KLRG1: variants seen among roughly 807,000 people sequenced by gnomAD.
KLRG1 encodes killer cell lectin-like receptor subfamily G member 1.
In KLRG1, 16 loss-of-function variants were observed where a neutral mutation model predicts 21.8. The observed-to-expected ratio is 0.73, with a 90% CI of 0.50 to 1.11. The LOEUF (loss-of-function observed/expected upper bound fraction) is 1.11, where lower values mean the gene tolerates loss of function less well. KLRG1 is among the 50% of genes most tolerant of loss of function. The pLI, the probability that KLRG1 is intolerant of heterozygous loss-of-function variation, is 0.00. For synonymous variants in KLRG1, 69 were observed against 75.9 expected (o/e 0.91, Z 0.47); for missense variants, 173 against 218.3 (o/e 0.79, Z 1.31).
the KLRG1 span, among the ~76,000 whole-genome samples, chr12:9,136,492 TA>T: frequency 1.3e-5 from 2 of 152,150 alleles, no homozygotes; most frequent in Non-Finnish European, 2.9e-5. Context: ...TCTTGGCATT[TA>T]AAAAAGGCAA....
the KLRG1 span, among the ~76,000 whole-genome samples, chr12:9,191,339 C>T: frequency 6.6e-6 from 1 of 151,998 alleles, no homozygotes; most frequent in African/African-American, 2.4e-5. Context: ...ATCTAACTAC[C>T]TCTACACTAG....
chr12:9,072,472 G>A, the KLRG1 span: 1 of 1,611,782 alleles, frequency 6.2e-7, no homozygotes, highest in Non-Finnish European at 8.5e-7. Flanking sequence ...GGAGAATATT[G>A]TATTTCAAGG....
upstream of KLRG1, among the ~76,000 whole-genome samples, chr12:8,987,907 G>C (rs1225958646): frequency 6.6e-6 from 1 of 152,190 alleles, no homozygotes; most frequent in South Asian, 2.1e-4. Context: ...TATTAAGGGC[G>C]TGAAAATTTG....
the KLRG1 span, among the ~76,000 whole-genome samples, chr12:9,143,071 G>A: frequency 3.9e-5 from 6 of 152,180 alleles, no homozygotes; most frequent in Non-Finnish European, 4.4e-5. Context: ...CTTGGACATC[G>A]ATTTTAGTTA....
At chr12:9,204,629 C>A in the KLRG1 span, among the ~76,000 whole-genome samples, 1 of 152,142 alleles carries the variant, frequency 6.6e-6, no homozygotes, top group Non-Finnish European at 1.5e-5. Context: ...ATGCACAACT[C>A]CCTGCTACAC....
chr12:8,998,195 G>A (rs925417880), intron 3 of KLRG1, among the ~76,000 whole-genome samples: 7 of 152,062 alleles, frequency 4.6e-5, no homozygotes, highest in Middle Eastern at 3.2e-3. Context: ...TAGGCGTGCT[G>A]TTATGCACCT....
At chr12:9,134,165 T>C in the KLRG1 span, among the ~76,000 whole-genome samples, 1 of 152,212 alleles carries the variant, frequency 6.6e-6, no homozygotes, top group Non-Finnish European at 1.5e-5. Context: ...ATAACTATCA[T>C]GGCAGAATTG....
the KLRG1 span, among the ~76,000 whole-genome samples, chr12:9,063,761 C>A: frequency 6.6e-6 from 1 of 152,156 alleles, no homozygotes; most frequent in Non-Finnish European, 1.5e-5. Flanking sequence ...TTTTCTTTTA[C>A]TCTGCGGTGA....
chr12:9,129,836 C>T, the KLRG1 span, among the ~76,000 whole-genome samples: 1 of 152,350 alleles, frequency 6.6e-6, no homozygotes, highest in Admixed American at 6.5e-5. Flanking sequence ...GCGTGAGCCA[C>T]CGCGCCTGGT....
At chr12:9,049,197 C>T in the KLRG1 span, among the ~76,000 whole-genome samples, 1 of 152,258 alleles carries the variant, frequency 6.6e-6, no homozygotes, top group East Asian at 1.9e-4. Context: ...CTGCATGGAG[C>T]ACTTGGAAGG....
At chr12:9,201,316 C>G in the KLRG1 span, 1 of 1,535,002 alleles carries the variant, frequency 6.5e-7, no homozygotes, top group Non-Finnish European at 9.0e-7. Context: ...GATACTTTTT[C>G]TGATACTTAC....
At chr12:9,011,635 A>G (rs1016614569), downstream of KLRG1, among the ~76,000 whole-genome samples, 3 of 152,228 alleles carry the variant, frequency 2.0e-5, no homozygotes, top group African/African-American at 7.2e-5. Flanking sequence ...TATCCGCAAA[A>G]GAAAGCACCT....
At chr12:9,096,726 A>G in the KLRG1 span, among the ~76,000 whole-genome samples, 2 of 152,202 alleles carry the variant, frequency 1.3e-5, no homozygotes, top group Non-Finnish European at 2.9e-5. Flanking sequence ...ATGAAATTAG[A>G]CACTTTCTCA....
chr12:9,001,257 A>G (rs1027952687), intron 3 of KLRG1, among the ~76,000 whole-genome samples: 2 of 152,204 alleles, frequency 1.3e-5, no homozygotes, highest in African/African-American at 4.8e-5. Context: ...TCAAATTAGT[A>G]ATTACATCCT....
At chr12:8,986,873 A>T (rs1048155894), upstream of KLRG1, among the ~76,000 whole-genome samples, 4 of 152,062 alleles carry the variant, frequency 2.6e-5, no homozygotes, top group African/African-American at 9.7e-5. Context: ...AGTTCCTCAC[A>T]AGACCTGGTT....
chr12:9,208,307 A>G, the KLRG1 span: 2 of 1,613,786 alleles, frequency 1.2e-6, no homozygotes, highest in Non-Finnish European at 1.7e-6. Context: ...AAGAAGTAGC[A>G]CAAGACATAA....
chr12:9,052,796 A>T, the KLRG1 span: 39 of 437,940 alleles, frequency 8.9e-5, no homozygotes, highest in Non-Finnish European at 1.4e-4. Flanking sequence ...TGGGATTAAT[A>T]ATAGTATCTA....
the KLRG1 span, chr12:9,152,219 C>T: frequency 6.3e-7 from 1 of 1,588,006 alleles, no homozygotes; most frequent in African/African-American, 1.3e-5. Flanking sequence ...AATACACCTA[C>T]CATTTTTACT....
At chr12:9,020,964 C>T in the KLRG1 span, among the ~76,000 whole-genome samples, 1 of 152,154 alleles carries the variant, frequency 6.6e-6, no homozygotes, top group South Asian at 2.1e-4. Context: ...CAGCCTATTG[C>T]TCTTAGGCTG....
Sources: gnomAD v4.1 joint callset for allele counts (sites outside exome capture counted in the v4.1 genomes callset) on GRCh38, gnomAD v4.1.1 for gene constraint, MANE v1.5 for transcripts, NCBI Gene and HGNC (gene_info 2026-07-23, HGNC 2026-07-21) for gene names.